HTR2C: variants seen among roughly 807,000 people sequenced by gnomAD.
HTR2C encodes 5-hydroxytryptamine receptor 2C.
A neutral mutation model predicts 21.0 loss-of-function variants in HTR2C; 5 were observed. The ratio of observed to expected loss-of-function variants is 0.24; its 90% CI spans 0.12 to 0.50. HTR2C has a LOEUF of 0.50. Ranked by LOEUF, HTR2C falls within the 20% of genes least tolerant of loss-of-function variation. HTR2C has a pLI of 0.98. For missense variants in HTR2C, 271 were observed against 371.2 expected (o/e 0.73, Z 2.22); for synonymous variants, 150 against 145.3 (o/e 1.03, Z -0.23).
chrX:114,784,615 CTGCT>C (rs1227184062), intron 4 of HTR2C, among the ~76,000 whole-genome samples: 5 of 107,052 alleles, frequency 4.7e-5, no homozygotes, highest in Non-Finnish European at 9.6e-5. Context: ...TGTACATCTC[CTGCT>C]TGCTTAAGTT....
intron 4 of HTR2C, among the ~76,000 whole-genome samples, chrX:114,814,749 A>G (rs2070565451): frequency 9.7e-6 from 1 of 102,957 alleles, no homozygotes; most frequent in East Asian, 2.9e-4. Context: ...CATCTAATAT[A>G]TAGTATATAT....
At chrX:114,763,702 C>T (rs2069905681) in intron 4 of HTR2C, among the ~76,000 whole-genome samples, 1 of 110,212 alleles carries the variant, frequency 9.1e-6, no homozygotes, top group African/African-American at 3.3e-5. Flanking sequence ...ATATACCTAG[C>T]ATCTACTCCT....
intron 1 of HTR2C, among the ~76,000 whole-genome samples, chrX:114,603,116 G>A (rs1466204573): frequency 1.8e-5 from 2 of 110,965 alleles, no homozygotes; most frequent in African/African-American, 6.5e-5. Context: ...AATGTCAGGT[G>A]GATCAGAGAG....
chrX:114,807,467 A>C (rs1451583051), intron 4 of HTR2C, among the ~76,000 whole-genome samples: 3 of 99,162 alleles, frequency 3.0e-5, no homozygotes, highest in African/African-American at 7.2e-5. Context: ...CGCCATATAT[A>C]TATACCATAT....
At chrX:114,753,835 C>T (rs1012829193) in intron 4 of HTR2C, among the ~76,000 whole-genome samples, 2 of 111,761 alleles carry the variant, frequency 1.8e-5, no homozygotes, top group Non-Finnish European at 3.8e-5. Context: ...GTAAAGATAT[C>T]AGTTCTTCCT....
At chrX:114,730,775 A>G (rs2147345557) in intron 3 of HTR2C, among the ~76,000 whole-genome samples, 1 of 111,535 alleles carries the variant, frequency 9.0e-6, no homozygotes, top group African/African-American at 3.2e-5. Flanking sequence ...CTCAGAACAT[A>G]TCTAAAGGAA....
At chrX:114,853,465 C>A (rs1159878189) in intron 5 of HTR2C, among the ~76,000 whole-genome samples, 5 of 111,526 alleles carry the variant, frequency 4.5e-5, no homozygotes, top group Non-Finnish European at 9.4e-5. Context: ...ATAAATCACA[C>A]ATATTTTTCT....
chrX:114,870,479 A>G (rs1326682308), intron 5 of HTR2C, among the ~76,000 whole-genome samples: 3 of 111,386 alleles, frequency 2.7e-5, no homozygotes, highest in Non-Finnish European at 5.7e-5. Flanking sequence ...ATTTTTTGGA[A>G]TAGTTTGAAT....
intron 4 of HTR2C, among the ~76,000 whole-genome samples, chrX:114,846,259 A>G (rs2070873025): frequency 8.9e-6 from 1 of 111,840 alleles, no homozygotes; most frequent in Non-Finnish European, 1.9e-5. Flanking sequence ...AAAAATTAAC[A>G]CCAATTCTTC....
At chrX:114,591,937 C>T (rs1602621490) in intron 1 of HTR2C, among the ~76,000 whole-genome samples, 1 of 111,870 alleles carries the variant, frequency 8.9e-6, no homozygotes, top group East Asian at 2.8e-4. Flanking sequence ...CCTACTCTCT[C>T]ACTCAGGATG....
chrX:114,782,874 AACACAC>A (rs200810686), intron 4 of HTR2C, among the ~76,000 whole-genome samples: 4 of 111,225 alleles, frequency 3.6e-5, no homozygotes, highest in Non-Finnish European at 7.6e-5. Context: ...GACTTTATGA[AACACAC>A]ACACACACAA....
At chrX:114,669,302 G>C (rs1161033012) in intron 2 of HTR2C, among the ~76,000 whole-genome samples, 1 of 111,773 alleles carries the variant, frequency 8.9e-6, no homozygotes, top group East Asian at 2.8e-4. Context: ...AGTTTTCTCA[G>C]AATGTGAAGT....
intron 5 of HTR2C, among the ~76,000 whole-genome samples, chrX:114,886,769 A>G (rs1602915883): frequency 9.0e-6 from 1 of 111,170 alleles, no homozygotes; most frequent in African/African-American, 3.3e-5. Context: ...AGAGGAAAGG[A>G]GCAAATTCAT....
intron 2 of HTR2C, among the ~76,000 whole-genome samples, chrX:114,712,210 GA>G (rs1442784765): frequency 9.0e-6 from 1 of 111,434 alleles, no homozygotes; most frequent in Non-Finnish European, 1.9e-5. Context: ...AGAATCCCTG[GA>G]ATGAGAGAAA....
chrX:114,823,441 C>T (rs1275543164), intron 4 of HTR2C: 2 of 341,889 alleles, frequency 5.8e-6, no homozygotes, highest in Non-Finnish European at 1.2e-5. Flanking sequence ...TGCAGCAGTT[C>T]ATCTTCGCAT....
intron 4 of HTR2C, among the ~76,000 whole-genome samples, chrX:114,759,920 G>A (rs1304510632): frequency 3.6e-5 from 4 of 111,692 alleles, no homozygotes; most frequent in African/African-American, 1.3e-4. Context: ...TAGATTAGGT[G>A]CCATATTAAA....
intron 1 of HTR2C, among the ~76,000 whole-genome samples, chrX:114,611,304 G>T (rs1304579442): frequency 2.7e-5 from 3 of 111,555 alleles, no homozygotes; most frequent in South Asian, 3.7e-4. Context: ...AAGTTAAGTG[G>T]GAGCTTCGAC....
At chrX:114,867,130 G>A (rs1186885527) in intron 5 of HTR2C, among the ~76,000 whole-genome samples, 4 of 111,823 alleles carry the variant, frequency 3.6e-5, no homozygotes, top group African/African-American at 1.3e-4. Context: ...ACAGTGTTAT[G>A]AGGGTTCCCT....
intron 2 of HTR2C, among the ~76,000 whole-genome samples, chrX:114,722,856 G>A (rs2147334211): frequency 9.3e-6 from 1 of 107,875 alleles, no homozygotes; most frequent in East Asian, 2.9e-4. Flanking sequence ...TGCATCCCAG[G>A]GATGAAGCCC....
Sources: gnomAD v4.1 joint callset for allele counts (sites outside exome capture counted in the v4.1 genomes callset) on GRCh38, gnomAD v4.1.1 for gene constraint, MANE v1.5 for transcripts, NCBI Gene and HGNC (gene_info 2026-07-23, HGNC 2026-07-21) for gene names.